The following PREX1 variants were observed in gnomAD, a reference collection of about 807,000 sequenced individuals.
PREX1 encodes the protein phosphatidylinositol-3,4,5-trisphosphate dependent Rac exchange factor 1.
Under a neutral mutation model 198.3 loss-of-function variants are expected in PREX1, and 41 were observed. The observed-to-expected ratio is 0.21, with a 90% CI of 0.16 to 0.27. The LOEUF (loss-of-function observed/expected upper bound fraction) is 0.27. PREX1 is among the 10% of genes least tolerant of loss of function. PREX1 has a pLI of 1.00. For synonymous variants in PREX1, 843 were observed against 887.2 expected (o/e 0.95, Z 0.89); for missense variants, 1,620 against 2,200.7 (o/e 0.74, Z 5.28).
chr20:48,637,326 A>G (rs558719463), intron 31 of PREX1, among the ~76,000 whole-genome samples: 18 of 152,328 alleles, frequency 1.2e-4, no homozygotes, highest in Middle Eastern at 3.4e-3. Flanking sequence ...TAATTTCTAG[A>G]AAGAAGGCAG....
chr20:48,791,451 T>TA lies in PREX1; in HGVS notation c.219+36190_219+36191insT, dbSNP rs2090338567. ...CAAGTCATTTGCCCCAAGGTCACCC[T>TA]GCTGGTGAGGGGTAAAGTCAAGGAC... On this transcript the variant is annotated intron_variant, in intron 1 of 39. Coordinates refer to ENST00000371941, the MANE Select transcript of PREX1 (RefSeq NM_020820.4). 3.3e-5 allele frequency among the ~76,000 whole-genome samples: 5 copies of TA among 152,192 alleles called. No individual in the cohort carries two copies. The South Asian group carries it at 8.3e-4, about 25-fold the overall frequency.
At chr20:48,685,477 G>A (rs1032939980) in intron 10 of PREX1, among the ~76,000 whole-genome samples, 2 of 152,178 alleles carry the variant, frequency 1.3e-5, no homozygotes, top group Admixed American at 6.5e-5. Flanking sequence ...TGTATCCTCC[G>A]ACAGTCCTCA....
At chr20:48,735,278 G>A (rs956338823) in intron 3 of PREX1, among the ~76,000 whole-genome samples, 1 of 152,202 alleles carries the variant, frequency 6.6e-6, no homozygotes, top group African/African-American at 2.4e-5. Flanking sequence ...GTCACTGGAG[G>A]AGGAAGGGTT....
chr20:48,864,395 C>A, the PREX1 span, among the ~76,000 whole-genome samples: 4 of 152,164 alleles, frequency 2.6e-5, no homozygotes, highest in African/African-American at 9.7e-5. Context: ...ATAAATGAAT[C>A]ATATTTGTAA....
intron 1 of PREX1, among the ~76,000 whole-genome samples, chr20:48,810,099 T>C (rs148768971): frequency 6.6e-6 from 1 of 152,178 alleles, no homozygotes; most frequent in Non-Finnish European, 1.5e-5. Flanking sequence ...GCAATGACTA[T>C]TGTATCCTTT....
intron 1 of PREX1, among the ~76,000 whole-genome samples, chr20:48,752,843 C>T (rs966782552): frequency 6.6e-6 from 1 of 152,188 alleles, no homozygotes; most frequent in African/African-American, 2.4e-5. Flanking sequence ...TTGTTCATTT[C>T]ATTGCTTACT....
chr20:48,675,520 A>G (rs1259916891), intron 14 of PREX1, among the ~76,000 whole-genome samples: 1 of 152,208 alleles, frequency 6.6e-6, no homozygotes, highest in East Asian at 1.9e-4. Context: ...GCCAGGCACA[A>G]AAGGACAAAT....
intron 21 of PREX1, 101 bp from the exon 22 acceptor site, chr20:48,651,684 C>G (rs1005896787): frequency 8.4e-7 from 1 of 1,183,494 alleles, no homozygotes; most frequent in Non-Finnish European, 1.2e-6. Context: ...GTGGGAACAG[C>G]AAGTGCAAAG....
At chr20:48,867,617 C>G in the PREX1 span, among the ~76,000 whole-genome samples, 1 of 152,056 alleles carries the variant, frequency 6.6e-6, no homozygotes, top group East Asian at 1.9e-4. Context: ...GTGGCATGCA[C>G]CTGTAATCCC....
At chr20:48,707,917 C>T (rs995056748) in intron 6 of PREX1, among the ~76,000 whole-genome samples, 2 of 152,152 alleles carry the variant, frequency 1.3e-5, no homozygotes, top group Non-Finnish European at 2.9e-5. Flanking sequence ...CGACCCTTGA[C>T]GTTGGCATCA....
chr20:48,828,528 CCTGGGCAGTGACGGCCCCTCT>C (rs538472789), upstream of PREX1, among the ~76,000 whole-genome samples: 1,032 of 152,194 alleles, frequency 6.8e-3, 4 homozygotes, highest in Middle Eastern at 0.024. Context: ...GCGACCGCTG[CCTGGGCAGTGACGGCCCCTCT>C]CTGGGCAGTG....
chr20:48,863,269 T>C, the PREX1 span, among the ~76,000 whole-genome samples: 1 of 152,192 alleles, frequency 6.6e-6, no homozygotes, highest in Non-Finnish European at 1.5e-5. Flanking sequence ...TTTGTTACAA[T>C]TGATGAGCTG....
At chr20:48,688,855 G>C in intron 9 of PREX1, 51 bp from the exon 10 acceptor site, 7 of 1,608,750 alleles carry the variant, frequency 4.4e-6, no homozygotes, top group Admixed American at 3.3e-5. Context: ...CCAGGGCAGG[G>C]GGGGTAGGGG....
intron 29 of PREX1, among the ~76,000 whole-genome samples, chr20:48,641,020 G>C (rs1287184524): frequency 6.6e-6 from 1 of 151,974 alleles, no homozygotes. Flanking sequence ...TGGATGAGTG[G>C]ATGGATAGAT....
chr20:48,856,369 A>G, the PREX1 span, among the ~76,000 whole-genome samples: 38 of 152,344 alleles, frequency 2.5e-4, no homozygotes, highest in African/African-American at 8.4e-4. Context: ...TGCCAGGGGC[A>G]CTTTAGGACA....
At chr20:48,788,805 G>A (rs115561867) in intron 1 of PREX1, among the ~76,000 whole-genome samples, 1 of 152,272 alleles carries the variant, frequency 6.6e-6, no homozygotes, top group African/African-American at 2.4e-5. Context: ...CGGATTAACG[G>A]GCTAATGGAT....
intron 31 of PREX1, among the ~76,000 whole-genome samples, chr20:48,637,348 G>A (rs2089372632): frequency 2.0e-5 from 3 of 152,220 alleles, no homozygotes; most frequent in African/African-American, 7.2e-5. Context: ...GATAGAGAAG[G>A]TCTCCAAGAT....
rs1166192324 is a variant in PREX1 at position 48,632,688 on chromosome 20, G to A, written c.4268-49C>T. The A allele has an allele frequency of 3.1e-6, 5 of 1,604,786 alleles. No homozygotes were observed. The Admixed American group carries it at 8.4e-5, about 27-fold the overall frequency. Reference sequence around the variant, plus strand: ...TGACTCACCACCGAGGCCAAGGCCAGGGGAAGCCCTGGCACACCTCTCCAG... The same window carrying A: ...TGACTCACCACCGAGGCCAAGGCCAAGGGAAGCCCTGGCACACCTCTCCAG... On this transcript the variant is annotated intron_variant, in intron 33 of 39. Transcript: ENST00000371941.
At chr20:48,802,968 G>A (rs115205438) in intron 1 of PREX1, among the ~76,000 whole-genome samples, 1,787 of 152,288 alleles carry the variant, frequency 0.012, 26 homozygotes, top group African/African-American at 0.041. Context: ...ACCACCCAGC[G>A]TGCTCCCTGG....
Sources: gnomAD v4.1 joint callset for allele counts (sites outside exome capture counted in the v4.1 genomes callset) on GRCh38, gnomAD v4.1.1 for gene constraint, MANE v1.5 for transcripts, NCBI Gene and HGNC (gene_info 2026-07-23, HGNC 2026-07-21) for gene names.